The following ROS1 variants were observed in gnomAD, a reference collection of about 807,000 sequenced individuals.
ROS1 encodes the protein proto-oncogene tyrosine-protein kinase ROS.
A neutral mutation model predicts 273.5 loss-of-function variants in ROS1; 263 were observed. The ratio of observed to expected loss-of-function variants is 0.96; its 90% CI spans 0.87 to 1.06. ROS1 has a LOEUF of 1.06. Ranked by LOEUF, ROS1 falls within the 50% of genes least tolerant of loss-of-function variation. The probability of loss-of-function intolerance (pLI) is 0.00; values close to 1 mark genes in which losing one functional copy is unlikely to be tolerated. For synonymous variants in ROS1, 1,008 were observed against 954.1 expected, an observed-to-expected ratio of 1.06 and a Z score of -1.04; for missense variants, 2,833 against 2,751.1, an observed-to-expected ratio of 1.03 and a Z score of -0.67.
At chr6:117,423,795 G>T (rs1435646462) in intron 1 of ROS1, among the ~76,000 whole-genome samples, 2 of 151,834 alleles carry the variant, frequency 1.3e-5, no homozygotes, top group Non-Finnish European at 2.9e-5. Flanking sequence ...TTTTAAAAAT[G>T]ATGCAGAAAA....
chr6:117,350,745 G>T (rs951532432), intron 27 of ROS1, among the ~76,000 whole-genome samples: 2 of 141,590 alleles, frequency 1.4e-5, no homozygotes, highest in East Asian at 4.1e-4. Flanking sequence ...ATATTTTCAA[G>T]CTCAGAGATT....
chr6:117,355,767 T>C (rs1701120200), intron 26 of ROS1, among the ~76,000 whole-genome samples: 2 of 151,932 alleles, frequency 1.3e-5, no homozygotes, highest in Non-Finnish European at 2.9e-5. Context: ...TGCACCACTG[T>C]GCCCAGCTAA....
intron 43 of ROS1, among the ~76,000 whole-genome samples, chr6:117,296,323 A>G (rs962741424): frequency 1.3e-5 from 2 of 151,936 alleles, no homozygotes; most frequent in African/African-American, 4.8e-5. Context: ...ATCGCTTGAA[A>G]CTGAAAGGGG....
intron 31 of ROS1, among the ~76,000 whole-genome samples, chr6:117,339,868 C>T (rs1777793446): frequency 6.6e-6 from 1 of 152,114 alleles, no homozygotes; most frequent in Non-Finnish European, 1.5e-5. Context: ...CTTCCACGGA[C>T]AGCACCCTAA....
chr6:117,359,904 T>G lies in ROS1; in HGVS notation c.3538A>C (p.Ser1180Arg), dbSNP rs1390676503. 6.2e-7 allele frequency: 1 copy of G among 1,613,938 alleles called. No individual in the cohort carries two copies. Among genetic ancestry groups the G allele is most frequent in the Admixed American group, 1.7e-5 (1 of 60,010 alleles). ...VWTFSAERVI[S>R]AVCYTADNEM... ...TTATCAGCTGTGTAGCAAACGGCAC[T>G]GATAACTCTTTCTGCTGAAAACGTC... is the stretch of plus-strand genomic sequence containing the variant. Residue 1180 changes from serine (S) to arginine (R), a missense_variant, in exon 24 of 44, where the codon AGT becomes CGT. Ser to Arg is a moderately radical substitution (Grantham distance 110). Coordinates refer to ENST00000368507, the MANE Select transcript of ROS1 (RefSeq NM_001378902.1).
chr6:117,368,176 T>G (rs1016799285), intron 18 of ROS1, among the ~76,000 whole-genome samples: 25 of 152,222 alleles, frequency 1.6e-4, no homozygotes, highest in African/African-American at 5.8e-4. Context: ...GCAATTATTT[T>G]TGCTTGAAAA....
chr6:117,373,267 G>A (rs1460777995), intron 18 of ROS1, among the ~76,000 whole-genome samples: 8 of 152,188 alleles, frequency 5.3e-5, no homozygotes, highest in East Asian at 1.9e-4. Flanking sequence ...GGAGCTGCCC[G>A]CCAGTCCTAC....
intron 42 of ROS1, among the ~76,000 whole-genome samples, chr6:117,308,180 T>TC (rs1775256067): frequency 6.6e-6 from 1 of 152,258 alleles, no homozygotes; most frequent in South Asian, 2.1e-4. Context: ...AAAACCTTTT[T>TC]CCTTATAATT....
At chr6:117,302,224 T>A (rs1355524391) in intron 42 of ROS1, among the ~76,000 whole-genome samples, 1 of 152,224 alleles carries the variant, frequency 6.6e-6, no homozygotes, top group Non-Finnish European at 1.5e-5. Context: ...AGTCCCACTA[T>A]TTTAAACAAT....
intron 7 of ROS1, among the ~76,000 whole-genome samples, chr6:117,397,575 G>A (rs1311839225): frequency 6.6e-6 from 1 of 152,212 alleles, no homozygotes; most frequent in African/African-American, 2.4e-5. Flanking sequence ...AGCTGGAGAT[G>A]TGGGTTCAGA....
At chr6:117,406,239 TTATGTTATTAGCTATTTATTTAA>T (rs1312725904) in intron 5 of ROS1, among the ~76,000 whole-genome samples, 1 of 152,118 alleles carries the variant, frequency 6.6e-6, no homozygotes, top group African/African-American at 2.4e-5. Flanking sequence ...TATTTATTTA[TTATGTTATTAGCTATTTATTTAA>T]TATGTTATTA....
At position 117,425,535 on chromosome 6, in the gene ROS1, A is replaced by C. The variant is rs1286253504; in HGVS notation, c.122T>G (p.Leu41Arg). Residue 41 changes from leucine to arginine, a missense_variant and splice_region_variant, in exon 1 of 44, where the codon CTG (leucine) becomes CGG (arginine). By Grantham distance (102) the Leu-to-Arg change is moderately radical (BLOSUM62 -2). Coordinates refer to ENST00000368507, the MANE Select transcript of ROS1 (RefSeq NM_001378902.1). ...NSCLKSCVTN[L>R]GQQLDLGTPH... is the part of the protein sequence containing the mutation. The stretch of plus-strand genomic sequence containing the variant: ...CAAATATTAGATTGTGAGACTTACC[A>C]GATTAGTTACACACGACTTTAGGCA... The C allele has an allele frequency of 3.8e-6, 6 of 1,590,646 alleles. No homozygotes were observed. The highest frequency in any genetic ancestry group is 5.1e-6 in the Non-Finnish European group (6 of 1,172,520).
At chr6:117,424,410 T>C (rs1775989527) in intron 1 of ROS1, among the ~76,000 whole-genome samples, 1 of 151,858 alleles carries the variant, frequency 6.6e-6, no homozygotes, top group African/African-American at 2.4e-5. Flanking sequence ...TCTGTAGTTC[T>C]CTATGTTATA....
At chr6:117,344,300 C>G in intron 27 of ROS1, 38 bp from the exon 28 acceptor site, 3 of 1,453,006 alleles carry the variant, frequency 2.1e-6, no homozygotes, top group African/African-American at 1.4e-5. Flanking sequence ...AATATCTATA[C>G]TATATATATG....
In ROS1 at chr6:117,317,239, A is replaced by G. The variant is rs925487470; in HGVS notation, c.6021T>C (p.Leu2007=). The change falls in exon 39 of 44, where the codon CTT becomes CTC. Residue 2007 remains leucine, a synonymous_variant. Coordinates refer to ENST00000368507, the MANE Select transcript of ROS1 (RefSeq NM_001378902.1). ...KFNHPNILKQ[L]GVCLLNEPQY... ...GGGGTTCATTCAGCAGACAAACTCC[A>G]AGCTGCTTCAGAATGTTGGGATGAT... is the stretch of plus-strand genomic sequence containing the variant. The G allele has an allele frequency of 3.7e-6, 6 of 1,612,998 alleles. No homozygotes were observed. The African/African-American group carries it at 6.7e-5, about 18-fold the overall frequency.
chr6:117,314,216 T>G (rs1439411046), intron 39 of ROS1, among the ~76,000 whole-genome samples: 1 of 152,108 alleles, frequency 6.6e-6, no homozygotes, highest in Admixed American at 6.5e-5. Context: ...CTTACTAACA[T>G]GGCAGTATAG....
At chr6:117,315,120 C>T (rs1046376546) in intron 39 of ROS1, among the ~76,000 whole-genome samples, 10 of 151,942 alleles carry the variant, frequency 6.6e-5, no homozygotes, top group Non-Finnish European at 5.9e-5. Context: ...AGTCAAAATA[C>T]AAGAACAAGA....
Position 117,375,167 on chromosome 6 carries a change from G to A in ROS1, c.2582+3892C>T, listed in dbSNP as rs151106951. 7.6e-4 allele frequency among the ~76,000 whole-genome samples: 116 copies of A among 152,308 alleles called. 3 individuals carry two copies. In the East Asian group the frequency reaches 0.019, roughly 25 times the overall value. ...AGCAACCTGGATGGAATTGGAGACCGTTATTCTAAGTGAAGTAACCAGGAA... is the reference window on the plus strand; with the variant it reads ...AGCAACCTGGATGGAATTGGAGACCATTATTCTAAGTGAAGTAACCAGGAA... On this transcript the variant is annotated intron_variant, in intron 18 of 43. Transcript: ENST00000368507.
intron 37 of ROS1, 135 bp from the exon 38 acceptor site, chr6:117,318,387 GCAT>G (rs1211542405): frequency 3.0e-6 from 2 of 668,804 alleles, no homozygotes; most frequent in African/African-American, 1.8e-5. Flanking sequence ...TAAAACATGT[GCAT>G]GTATTCTACA....
Sources: allele counts gnomAD v4.1 joint callset (sites outside exome capture counted in the v4.1 genomes callset), GRCh38; gene constraint gnomAD v4.1.1; transcripts MANE v1.5; gene names NCBI Gene and HGNC (gene_info 2026-07-23, HGNC 2026-07-21).